FRMD3: variants seen among roughly 807,000 people sequenced by gnomAD.
FRMD3 encodes FERM domain containing 3.
Under a neutral mutation model 70.2 loss-of-function variants are expected in FRMD3, and 33 were observed. The ratio of observed to expected loss-of-function variants is 0.47; its 90% CI spans 0.36 to 0.63. The LOEUF (loss-of-function observed/expected upper bound fraction) is 0.63. Ranked by LOEUF, FRMD3 falls within the 20% of genes least tolerant of loss-of-function variation. The probability of loss-of-function intolerance (pLI) is 0.00; values close to 1 mark genes in which losing one functional copy is unlikely to be tolerated. For synonymous variants in FRMD3, 279 were observed against 255.9 expected (o/e 1.09, Z -0.86); for missense variants, 632 against 711.4 (o/e 0.89, Z 1.27).
chr9:83,426,003 T>C (rs918960077), intron 1 of FRMD3, among the ~76,000 whole-genome samples: 2 of 149,444 alleles, frequency 1.3e-5, no homozygotes, highest in African/African-American at 4.9e-5. Context: ...GCTTAGTCCA[T>C]AAGAAATGTG....
chr9:83,453,081 C>T (rs1223261882), intron 1 of FRMD3, among the ~76,000 whole-genome samples: 1 of 151,936 alleles, frequency 6.6e-6, no homozygotes, highest in Admixed American at 6.6e-5. Context: ...GTCTCAAACT[C>T]CTGGCCTCAA....
At chr9:83,348,557 T>C (rs1824039146) in intron 4 of FRMD3, among the ~76,000 whole-genome samples, 1 of 152,136 alleles carries the variant, frequency 6.6e-6, no homozygotes. Flanking sequence ...GGGAGGGTTG[T>C]CCAACACTGT....
At chr9:83,565,054 TC>T in the FRMD3 span, among the ~76,000 whole-genome samples, 1 of 152,214 alleles carries the variant, frequency 6.6e-6, no homozygotes, top group Non-Finnish European at 1.5e-5. Flanking sequence ...ATTTAATTTT[TC>T]CCATGAAAAC....
At chr9:83,329,235 C>T (rs1296113601) in intron 6 of FRMD3, among the ~76,000 whole-genome samples, 1 of 151,980 alleles carries the variant, frequency 6.6e-6, no homozygotes, top group Non-Finnish European at 1.5e-5. Context: ...AGGTGCTATA[C>T]CAAATAGCAA....
chr9:83,582,551 A>C, the FRMD3 span, among the ~76,000 whole-genome samples: 1 of 152,324 alleles, frequency 6.6e-6, no homozygotes, highest in East Asian at 1.9e-4. Flanking sequence ...TCAAATCACC[A>C]ACTTGCACAT....
chr9:83,444,983 A>G (rs1157244812), intron 1 of FRMD3, among the ~76,000 whole-genome samples: 2 of 152,182 alleles, frequency 1.3e-5, no homozygotes, highest in Non-Finnish European at 2.9e-5. Context: ...CATTTCATTT[A>G]CTTTATATTT....
At chr9:83,445,598 T>C (rs1031768374) in intron 1 of FRMD3, among the ~76,000 whole-genome samples, 2 of 152,228 alleles carry the variant, frequency 1.3e-5, no homozygotes, top group African/African-American at 2.4e-5. Flanking sequence ...GGATGCCTCC[T>C]TATTTATCCT....
intron 6 of FRMD3, among the ~76,000 whole-genome samples, chr9:83,334,941 G>A (rs11140034): frequency 0.19 from 28,640 of 152,182 alleles, 2,790 homozygotes; most frequent in Middle Eastern, 0.24. Context: ...AAGATTAAAC[G>A]AGTTAATATG....
chr9:83,439,255 G>C (rs1330282293), intron 1 of FRMD3, among the ~76,000 whole-genome samples: 1 of 152,248 alleles, frequency 6.6e-6, no homozygotes, highest in East Asian at 1.9e-4. Flanking sequence ...GCTCCAGAGA[G>C]AGTTAGGACA....
At chr9:83,439,535 C>A (rs1323988026) in intron 1 of FRMD3, among the ~76,000 whole-genome samples, 1 of 151,382 alleles carries the variant, frequency 6.6e-6, no homozygotes, top group African/African-American at 2.4e-5. Context: ...TGTCCGCCAT[C>A]TTTCTTGTAG....
Position 83,537,784 on chromosome 9 carries a change from C to T in FRMD3, c.147+301G>A, listed in dbSNP as rs1337678130. Among the ~76,000 whole-genome samples the T allele has an allele frequency of 6.6e-6, 1 of 152,198 alleles. No homozygotes were observed. Among genetic ancestry groups the T allele is most frequent in the East Asian group, 1.9e-4 (1 of 5,172 alleles). ...AGTAGGGCCCAGAGGGGCCAGAGTC[C>T]CTCCGGAGGCAGCTGCCCCGCGCCC... is the stretch of plus-strand genomic sequence containing the variant. On this transcript the variant is annotated intron_variant, in intron 1 of 13. Transcript: ENST00000304195. The surrounding 1 kb of genome is among the most constrained non-coding windows in gnomAD (Gnocchi z 4.1).
At chr9:83,568,184 C>T in the FRMD3 span, among the ~76,000 whole-genome samples, 113,727 of 152,068 alleles carry the variant, frequency 0.75, 42,959 homozygotes, top group African/African-American at 0.85. Flanking sequence ...GATAAACCCA[C>T]CAGATCTCAT....
the FRMD3 span, among the ~76,000 whole-genome samples, chr9:83,553,250 T>G: frequency 2.6e-5 from 4 of 152,198 alleles, no homozygotes; most frequent in African/African-American, 9.6e-5. Flanking sequence ...TGGCTGAATA[T>G]GAAATTCTTG....
At chr9:83,446,988 TTTTTGTTTTG>T (rs141194581) in intron 1 of FRMD3, among the ~76,000 whole-genome samples, 1,593 of 146,834 alleles carry the variant, frequency 0.011, 10 homozygotes, top group Middle Eastern at 0.021. Context: ...CAGATCAGGG[TTTTTGTTTTG>T]TTTTGTTTTG....
chr9:83,520,844 G>A (rs915472055), intron 1 of FRMD3, among the ~76,000 whole-genome samples: 3 of 151,992 alleles, frequency 2.0e-5, no homozygotes, highest in Admixed American at 6.6e-5. Context: ...AAAGGTCTCC[G>A]GCTGGCACAG....
chr9:83,343,049 T>C (rs1823826917), intron 5 of FRMD3, 141 bp downstream of exon 5: 2 of 669,774 alleles, frequency 3.0e-6, no homozygotes, highest in Non-Finnish European at 5.4e-6. Flanking sequence ...GAGTTGGGGT[T>C]CTGTTGCTAC....
intron 1 of FRMD3, among the ~76,000 whole-genome samples, chr9:83,461,935 C>T (rs1426916771): frequency 1.3e-5 from 2 of 151,956 alleles, no homozygotes; most frequent in Non-Finnish European, 2.9e-5. Context: ...TATCCAACCA[C>T]CTCAGACTCC....
chr9:83,351,350 A>ACACACACACACACG (rs1207127019), intron 3 of FRMD3, among the ~76,000 whole-genome samples: 6 of 151,596 alleles, frequency 4.0e-5, no homozygotes, highest in Non-Finnish European at 8.8e-5. Flanking sequence ...ACACACACAC[A>ACACACACACACACG]CACTAGAACT....
the FRMD3 span, among the ~76,000 whole-genome samples, chr9:83,568,519 T>C: frequency 1.3e-5 from 2 of 152,180 alleles, no homozygotes; most frequent in Admixed American, 6.5e-5. Context: ...GATATTATGC[T>C]GAGTGAAATA....
Sources: allele counts gnomAD v4.1 joint callset (sites outside exome capture counted in the v4.1 genomes callset), GRCh38; gene constraint gnomAD v4.1.1; non-coding constraint Gnocchi (gnomAD v3.1); transcripts MANE v1.5; gene names NCBI Gene and HGNC (gene_info 2026-07-23, HGNC 2026-07-21).